Variants in TRAPPC9 observed in about 807,000 individuals in gnomAD.
TRAPPC9 encodes IKK2 binding protein.
Under a neutral mutation model 124.0 loss-of-function variants are expected in TRAPPC9, and 83 were observed. That is an observed-to-expected ratio of 0.67 (90% CI 0.56 to 0.80). TRAPPC9 has a LOEUF of 0.80. Among genes scored for constraint, TRAPPC9 ranks in the 30% least tolerant of loss-of-function variants. The pLI is 0.00. For missense variants in TRAPPC9, 1,302 were observed against 1,508.3 expected, an observed-to-expected ratio of 0.86 and a Z score of 2.27; for synonymous variants, 638 against 617.5, an observed-to-expected ratio of 1.03 and a Z score of -0.49.
At chr8:140,213,483 CT>C (rs1235551243) in intron 17 of TRAPPC9, among the ~76,000 whole-genome samples, 1 of 152,214 alleles carries the variant, frequency 6.6e-6, no homozygotes, top group Admixed American at 6.5e-5. Context: ...CAAAAATAAG[CT>C]TTTGGTTGCT....
At chr8:140,075,701 T>C (rs545104565) in intron 17 of TRAPPC9, among the ~76,000 whole-genome samples, 20 of 152,268 alleles carry the variant, frequency 1.3e-4, no homozygotes, top group African/African-American at 2.4e-4. Context: ...CACTTTTCCA[T>C]AGGAGAAAAG....
At chr8:139,838,368 G>C (rs796168640) in intron 21 of TRAPPC9, among the ~76,000 whole-genome samples, 1 of 152,178 alleles carries the variant, frequency 6.6e-6, no homozygotes, top group African/African-American at 2.4e-5. Context: ...GGGGGCACAG[G>C]AGTCACATCT....
chr8:140,400,476 T>A (rs911313646), intron 6 of TRAPPC9, among the ~76,000 whole-genome samples: 4 of 152,246 alleles, frequency 2.6e-5, no homozygotes, highest in African/African-American at 9.6e-5. Context: ...ATGCAGTTGT[T>A]GTAAATTCAT....
intron 17 of TRAPPC9, among the ~76,000 whole-genome samples, chr8:140,152,091 T>C (rs1347639930): frequency 2.0e-5 from 3 of 152,144 alleles, no homozygotes; most frequent in Admixed American, 2.0e-4. Flanking sequence ...CCTAGTTATG[T>C]GGACTGATAG....
intron 21 of TRAPPC9, among the ~76,000 whole-genome samples, chr8:139,803,932 G>A (rs949873744): frequency 6.6e-6 from 1 of 152,030 alleles, no homozygotes; most frequent in Admixed American, 6.6e-5. Context: ...GTTTACCACA[G>A]ATGAAGAAAG....
At chr8:140,225,332 C>T (rs1036476552) in intron 16 of TRAPPC9, among the ~76,000 whole-genome samples, 4 of 152,142 alleles carry the variant, frequency 2.6e-5, no homozygotes, top group Non-Finnish European at 5.9e-5. Context: ...TTAGTTGACA[C>T]GCACACAGTT....
intron 17 of TRAPPC9, among the ~76,000 whole-genome samples, chr8:140,081,487 A>G (rs891961238): frequency 6.6e-6 from 1 of 151,890 alleles, no homozygotes; most frequent in Non-Finnish European, 1.5e-5. Context: ...CTGGAATTAC[A>G]GGTACCCACC....
intron 9 of TRAPPC9, among the ~76,000 whole-genome samples, chr8:140,359,367 G>A (rs1374835420): frequency 6.6e-6 from 1 of 152,196 alleles, no homozygotes; most frequent in East Asian, 1.9e-4. Flanking sequence ...TGAGCCCCAA[G>A]CGCGTAGGGA....
At chr8:140,120,653 T>TCCA (rs2060967923) in intron 17 of TRAPPC9, among the ~76,000 whole-genome samples, 1 of 143,592 alleles carries the variant, frequency 7.0e-6, no homozygotes, top group African/African-American at 2.6e-5. Context: ...CATCCATCCA[T>TCCA]TCATCCATCC....
At chr8:140,048,384 C>T (rs1841758153) in intron 17 of TRAPPC9, among the ~76,000 whole-genome samples, 1 of 152,138 alleles carries the variant, frequency 6.6e-6, no homozygotes, top group Admixed American at 6.5e-5. Context: ...CAAATACTAA[C>T]TCTTTAAGGG....
intron 21 of TRAPPC9, among the ~76,000 whole-genome samples, chr8:139,734,578 G>A (rs1441973946): frequency 2.0e-5 from 3 of 152,248 alleles, no homozygotes; most frequent in Non-Finnish European, 4.4e-5. Flanking sequence ...CTGGAGGCCT[G>A]TGCCCATTCC....
At chr8:139,896,300 T>C (rs1830664916) in intron 20 of TRAPPC9, among the ~76,000 whole-genome samples, 1 of 152,164 alleles carries the variant, frequency 6.6e-6, no homozygotes, top group Non-Finnish European at 1.5e-5. Context: ...GACCCTGGCA[T>C]TTGGAGCAAG....
intron 19 of TRAPPC9, chr8:139,914,971 G>C (rs1832019154): frequency 6.6e-6 from 1 of 152,252 alleles, no homozygotes; most frequent in Non-Finnish European, 1.5e-5. Context: ...TTTCCAAAAA[G>C]TGACTCGGAA....
chr8:140,058,136 C>T (rs73725379), intron 17 of TRAPPC9, among the ~76,000 whole-genome samples: 2,260 of 152,236 alleles, frequency 0.015, 58 homozygotes, highest in African/African-American at 0.051. Context: ...CTGGGTCAGC[C>T]CTTGAAATGA....
intron 21 of TRAPPC9, among the ~76,000 whole-genome samples, chr8:139,770,733 C>G (rs1417828730): frequency 6.6e-6 from 1 of 152,196 alleles, no homozygotes; most frequent in African/African-American, 2.4e-5. Context: ...AAAGGAGAGG[C>G]CTCACAGAGA....
chr8:140,419,290 G>A lies in TRAPPC9; in HGVS notation c.886+7325C>T, dbSNP rs550159023. 6.6e-5 allele frequency among the ~76,000 whole-genome samples: 10 copies of A among 151,110 alleles called. No individual in the cohort carries two copies. The South Asian group carries it at 8.4e-4, about 13-fold the overall frequency. ...GAAAATACAAAAAAATTAGCCGCGCGTGGTGGCGGGCACCTGTAGTCCCAG... is the reference window on the plus strand; with the variant it reads ...GAAAATACAAAAAAATTAGCCGCGCATGGTGGCGGGCACCTGTAGTCCCAG... On this transcript the variant is annotated intron_variant, in intron 5 of 22. Coordinates refer to ENST00000438773, the MANE Select transcript of TRAPPC9 (RefSeq NM_001160372.4).
rs535013295 is a variant in TRAPPC9 at position 139,762,757 on chromosome 8, C to T, written c.3056-30555G>A. ...GCCCAGGAAACAGATGGCCAAGGTGCGGAGGGCACCTGGGAAGGGAGAGCC... is the reference window on the plus strand; with the variant it reads ...GCCCAGGAAACAGATGGCCAAGGTGTGGAGGGCACCTGGGAAGGGAGAGCC... On this transcript the variant is annotated intron_variant, in intron 21 of 22. Coordinates refer to ENST00000438773, the MANE Select transcript of TRAPPC9 (RefSeq NM_001160372.4). Among the ~76,000 whole-genome samples the T allele has an allele frequency of 3.3e-5, 5 of 152,294 alleles. No individual in the cohort carries two copies. The East Asian group carries it at 5.8e-4, about 18-fold the overall frequency.
chr8:140,231,634 A>G (rs1300332853), intron 16 of TRAPPC9, among the ~76,000 whole-genome samples: 1 of 148,434 alleles, frequency 6.7e-6, no homozygotes, highest in Non-Finnish European at 1.5e-5. Flanking sequence ...CTGAGATTAC[A>G]GGTGTGGCAC....
At chr8:139,965,089 C>T (rs926655641) in intron 19 of TRAPPC9, among the ~76,000 whole-genome samples, 8 of 144,592 alleles carry the variant, frequency 5.5e-5, no homozygotes, top group South Asian at 4.5e-4. Context: ...GGCCTGTCTT[C>T]GTCCCTCAGC....
Sources: gnomAD v4.1 joint callset for allele counts (sites outside exome capture counted in the v4.1 genomes callset) on GRCh38, gnomAD v4.1.1 for gene constraint, MANE v1.5 for transcripts, NCBI Gene and HGNC (gene_info 2026-07-23, HGNC 2026-07-21) for gene names.